The following CEP85L variants were observed in gnomAD, a reference collection of about 807,000 sequenced individuals.
The protein encoded by CEP85L is centrosomal protein 85L.
CEP85L carries 60 observed loss-of-function variants against 100.3 expected under a neutral mutation model. The observed-to-expected ratio is 0.60, with a 90% CI of 0.49 to 0.74. CEP85L has a LOEUF of 0.74. CEP85L is among the 30% of genes least tolerant of loss of function. The pLI is 0.00. For synonymous variants in CEP85L, 319 were observed against 322.7 expected (o/e 0.99, Z 0.12); for missense variants, 973 against 936.2 (o/e 1.04, Z -0.51).
At chr6:118,541,665 T>C (rs774398923) in intron 3 of CEP85L, among the ~76,000 whole-genome samples, 4 of 152,180 alleles carry the variant, frequency 2.6e-5, no homozygotes, top group Non-Finnish European at 4.4e-5. Context: ...ATCTTAAATG[T>C]TGATATTATC....
intron 3 of CEP85L, among the ~76,000 whole-genome samples, chr6:118,562,509 G>T (rs1351783084): frequency 6.6e-6 from 1 of 152,074 alleles, no homozygotes; most frequent in Non-Finnish European, 1.5e-5. Context: ...CACTACAGGG[G>T]CACATCACCA....
intron 6 of CEP85L, among the ~76,000 whole-genome samples, chr6:118,484,686 T>G (rs1164766438): frequency 1.3e-5 from 2 of 152,224 alleles, no homozygotes; most frequent in Non-Finnish European, 2.9e-5. Flanking sequence ...TGACTCCGAT[T>G]TCTTAGTTTT....
chr6:118,587,090 C>A (rs767075845), intron 2 of CEP85L, among the ~76,000 whole-genome samples: 18 of 152,290 alleles, frequency 1.2e-4, no homozygotes, highest in Middle Eastern at 3.4e-3. Flanking sequence ...TACAGTAAGA[C>A]TAATTGTTGG....
chr6:118,621,994 A>AAGG (rs1490192096), intron 2 of CEP85L, among the ~76,000 whole-genome samples: 20 of 152,176 alleles, frequency 1.3e-4, no homozygotes, highest in Admixed American at 1.3e-3. Context: ...TTCCCACGGG[A>AAGG]CAAAATTTAT....
In CEP85L at chr6:118,461,059, G is replaced by A. The variant is rs1772206541; in HGVS notation, c.*4346C>T. ...TAAACAATAACTGTATTTCAATTAA[G>A]TCATGAACACTGTATTTACACATGA... On this transcript the variant is annotated 3_prime_UTR_variant, in exon 13 of 13. Transcript: ENST00000368491. 2.0e-5 allele frequency: 3 copies of A among 147,992 alleles called. No homozygotes were observed. Among genetic ancestry groups the A allele is most frequent in the African/African-American group, 7.5e-5 (3 of 39,998 alleles). 9.2% of individuals were successfully genotyped at this position (147,992 alleles called of 1,614,324 possible). A position where few individuals can be genotyped will look rare whatever the true frequency, so the allele number is the denominator to read the frequency against.
At chr6:118,590,044 TACACACACACAC>T (rs58587419) in intron 2 of CEP85L, among the ~76,000 whole-genome samples, 70,292 of 150,190 alleles carry the variant, frequency 0.47, 16,806 homozygotes, top group Middle Eastern at 0.57. Flanking sequence ...TCTCTGCATT[TACACACACACAC>T]ACACACACAC....
intron 1 of CEP85L, among the ~76,000 whole-genome samples, chr6:118,650,746 G>A (rs575191247): frequency 6.6e-6 from 1 of 152,166 alleles, no homozygotes; most frequent in Non-Finnish European, 1.5e-5. Flanking sequence ...ACCAGAAGTC[G>A]GGAGGGCGCG....
intron 1 of CEP85L, among the ~76,000 whole-genome samples, chr6:118,707,331 C>A (rs752542234): frequency 2.6e-5 from 4 of 152,220 alleles, no homozygotes; most frequent in Non-Finnish European, 5.9e-5. Flanking sequence ...GTAGCTGGGA[C>A]TACAGGTGTG....
intron 3 of CEP85L, among the ~76,000 whole-genome samples, chr6:118,556,325 G>T (rs1169620093): frequency 3.9e-5 from 6 of 152,114 alleles, no homozygotes; most frequent in African/African-American, 1.4e-4. Context: ...ACTCTTTAAG[G>T]AAAGAAAATT....
At chr6:118,668,645 C>T (rs1776204912) in intron 1 of CEP85L, among the ~76,000 whole-genome samples, 2 of 152,122 alleles carry the variant, frequency 1.3e-5, no homozygotes, top group African/African-American at 4.8e-5. Context: ...CTATTATGTG[C>T]AACTCTGTGA....
At chr6:118,554,344 A>G (rs148506233) in intron 3 of CEP85L, among the ~76,000 whole-genome samples, 167 of 152,248 alleles carry the variant, frequency 1.1e-3, no homozygotes, top group African/African-American at 3.8e-3. Context: ...ATGGGGTCTC[A>G]TTATGTTGCC....
chr6:118,576,873 T>C (rs1562277673), intron 2 of CEP85L, among the ~76,000 whole-genome samples: 3 of 144,068 alleles, frequency 2.1e-5, no homozygotes, highest in Admixed American at 1.5e-4. Context: ...CTGGCTGGAA[T>C]AGATTAAATA....
intron 5 of CEP85L, among the ~76,000 whole-genome samples, chr6:118,500,695 G>T (rs919989176): frequency 6.6e-6 from 1 of 152,076 alleles, no homozygotes; most frequent in Non-Finnish European, 1.5e-5. Flanking sequence ...GTCTCCCAAG[G>T]TCCATGCAGG....
At chr6:118,595,577 C>A (rs1013374669) in intron 2 of CEP85L, among the ~76,000 whole-genome samples, 1 of 152,114 alleles carries the variant, frequency 6.6e-6, no homozygotes, top group Admixed American at 6.5e-5. Flanking sequence ...AATGAATGAA[C>A]CTTCTAAAAG....
At chr6:118,616,102 A>C (rs945196532) in intron 2 of CEP85L, among the ~76,000 whole-genome samples, 1 of 152,200 alleles carries the variant, frequency 6.6e-6, no homozygotes, top group Non-Finnish European at 1.5e-5. Flanking sequence ...TATAATAATA[A>C]AATATTTAAG....
chr6:118,536,649 G>C (rs1289623016), intron 3 of CEP85L, among the ~76,000 whole-genome samples: 1 of 152,068 alleles, frequency 6.6e-6, no homozygotes, highest in Non-Finnish European at 1.5e-5. Flanking sequence ...TCACTTTGGT[G>C]CAACTCCACA....
Position 118,637,345 on chromosome 6 carries a change from C to T in CEP85L, c.74-4734G>A, listed in dbSNP as rs541636292. On this transcript the variant is annotated intron_variant, in intron 1 of 12. Coordinates refer to ENST00000368491, the MANE Select transcript of CEP85L (RefSeq NM_001042475.3). The stretch of plus-strand genomic sequence containing the variant: ...TTTCAGTGTACTGCCACCTTATAAA[C>T]TTGAACCTCTGACTTTTACAGAAGG... Among the ~76,000 whole-genome samples, 5 of 152,190 alleles carry T rather than the reference C, an allele frequency of 3.3e-5. No homozygotes were observed. The South Asian group carries it at 8.3e-4, about 25-fold the overall frequency.
At chr6:118,608,776 T>C (rs931830181) in intron 2 of CEP85L, among the ~76,000 whole-genome samples, 5 of 152,234 alleles carry the variant, frequency 3.3e-5, no homozygotes, top group African/African-American at 1.2e-4. Context: ...TATGTATGTA[T>C]ATGGGGGTAT....
intron 1 of CEP85L, among the ~76,000 whole-genome samples, chr6:118,638,293 T>C (rs1774642584): frequency 6.6e-6 from 1 of 152,042 alleles, no homozygotes; most frequent in South Asian, 2.1e-4. Context: ...AACATAACTA[T>C]GTCTTTAAAA....
Sources: gnomAD v4.1 joint callset for allele counts (sites outside exome capture counted in the v4.1 genomes callset) on GRCh38, gnomAD v4.1.1 for gene constraint, MANE v1.5 for transcripts, NCBI Gene and HGNC (gene_info 2026-07-23, HGNC 2026-07-21) for gene names.